Variants in CDK12 observed in about 807,000 individuals in gnomAD.
The protein encoded by CDK12 is cyclin-dependent kinase 12.
Under a neutral mutation model 133.8 loss-of-function variants are expected in CDK12, and 17 were observed. The ratio of observed to expected loss-of-function variants is 0.13; its 90% CI spans 0.09 to 0.19. The LOEUF (loss-of-function observed/expected upper bound fraction) is 0.19, where lower values mean the gene tolerates loss of function less well. CDK12 is among the 10% of genes least tolerant of loss of function. The pLI, the probability that CDK12 is intolerant of heterozygous loss-of-function variation, is 1.00. For synonymous variants in CDK12, 694 were observed against 683.6 expected (o/e 1.02, Z -0.24); for missense variants, 1,508 against 1,818.7 (o/e 0.83, Z 3.11).
intron 2 of CDK12, among the ~76,000 whole-genome samples, chr17:39,476,733 TTTTTTTTG>T (rs2050238847): frequency 7.8e-6 from 1 of 128,674 alleles, no homozygotes; most frequent in African/African-American, 2.9e-5. Context: ...TTTTTTTTTT[TTTTTTTTG>T]AGACAGAGTT....
intron 5 of CDK12, among the ~76,000 whole-genome samples, 191 bp from the exon 6 acceptor site, chr17:39,501,059 G>A (rs2052685597): frequency 6.6e-6 from 1 of 152,064 alleles, no homozygotes; most frequent in African/African-American, 2.4e-5. Context: ...TCAAATATTA[G>A]CTCCGTTGTT....
intron 2 of CDK12, among the ~76,000 whole-genome samples, chr17:39,476,702 C>A (rs548508401): frequency 1.3e-5 from 1 of 75,348 alleles, no homozygotes; most frequent in African/African-American, 4.3e-5. Context: ...CATGAGCCAC[C>A]ATGCCTGCCT....
At chr17:39,523,494 A>T (rs952082983) in intron 11 of CDK12, among the ~76,000 whole-genome samples, 2 of 152,120 alleles carry the variant, frequency 1.3e-5, no homozygotes, top group Admixed American at 6.5e-5. Flanking sequence ...AAGAAAAAAA[A>T]AGTATTTTAT....
Position 39,511,611 on chromosome 17 carries a change from A to G in CDK12, c.2749A>G (p.Ile917Val). Residue 917 changes from isoleucine (I) to valine (V), a missense_variant, in exon 8 of 14, where the codon ATA becomes GTA. Transcript: ENST00000447079. The part of the protein sequence containing the change: ...LLGEERYTPA[I>V]DVWSCGCILG... ...AGGAGAGGAACGTTACACACCAGCC[A>G]TAGATGTTTGGAGCTGTGGGTAAGG... 2 of 1,610,168 alleles carry G rather than the reference A, an allele frequency of 1.2e-6. No homozygotes were observed. Among genetic ancestry groups the G allele is most frequent in the Non-Finnish European group, 8.5e-7 (1 of 1,176,944 alleles).
chr17:39,536,225 C>T (rs1190252876), downstream of CDK12, among the ~76,000 whole-genome samples: 1 of 152,156 alleles, frequency 6.6e-6, no homozygotes, highest in Non-Finnish European at 1.5e-5. Flanking sequence ...ACTCACCATT[C>T]AACTGGAATA....
At chr17:39,538,917 A>G (rs1028904385), downstream of CDK12, among the ~76,000 whole-genome samples, 32 of 151,492 alleles carry the variant, frequency 2.1e-4, no homozygotes, top group African/African-American at 7.5e-4. Context: ...ACATACATAC[A>G]TACATACATA....
Position 39,471,433 on chromosome 17 carries a change from C to T in CDK12, c.1601C>T (p.Ser534Phe), listed in dbSNP as rs2145201159. The change falls in exon 2 of 14, where the codon TCT (serine) becomes TTT (phenylalanine). Residue 534 changes from serine (S) to phenylalanine (F), a missense_variant. Transcript: ENST00000447079. ...CCTCCACCTCTTCCCACAATTGCTT[C>T]TCCCCCACCCCCTCTACCAACTACT... Reference protein sequence around the residue: ...ETPPPLPTIASPPPPLPTTTP... With the variant: ...ETPPPLPTIAFPPPPLPTTTP... The T allele has an allele frequency of 6.2e-7, 1 of 1,613,138 alleles. No individual in the cohort carries two copies. The highest frequency in any genetic ancestry group is 2.2e-5 in the East Asian group (1 of 44,872).
intron 4 of CDK12, among the ~76,000 whole-genome samples, chr17:39,493,830 A>G (rs2051844652): frequency 6.6e-6 from 1 of 151,994 alleles, no homozygotes; most frequent in Non-Finnish European, 1.5e-5. Context: ...CCCCGTTTCT[A>G]CTAAAAATAG....
intron 5 of CDK12, among the ~76,000 whole-genome samples, chr17:39,496,577 G>C (rs1415414546): frequency 1.3e-5 from 2 of 151,956 alleles, no homozygotes; most frequent in African/African-American, 2.4e-5. Context: ...GCTAGCGCCT[G>C]TAATCTTCAG....
At chr17:39,478,700 C>T (rs1212008622) in intron 2 of CDK12, among the ~76,000 whole-genome samples, 2 of 152,000 alleles carry the variant, frequency 1.3e-5, no homozygotes, top group Non-Finnish European at 2.9e-5. Context: ...TAGCATGCAC[C>T]TGTGGTCTGA....
At chr17:39,540,775 C>T (rs375806247) in intron 1 of CDK12, among the ~76,000 whole-genome samples, 3 of 152,038 alleles carry the variant, frequency 2.0e-5, no homozygotes, top group Non-Finnish European at 4.4e-5. Context: ...CTCTTTAGTG[C>T]GGCAGGCGGG....
chr17:39,541,025 G>A (rs2055385984), intron 1 of CDK12, among the ~76,000 whole-genome samples: 2 of 152,170 alleles, frequency 1.3e-5, no homozygotes, highest in East Asian at 1.9e-4. Flanking sequence ...CTGGGATATG[G>A]TGTCGCCTCC....
chr17:39,505,513 G>A (rs1227502728), intron 6 of CDK12, among the ~76,000 whole-genome samples: 1 of 106,640 alleles, frequency 9.4e-6, no homozygotes, highest in Non-Finnish European at 1.7e-5. Flanking sequence ...GACAGAGCGA[G>A]ACTCCGTCTC....
rs2048978231 is a variant in CDK12, at chr17:39,461,795, G to A, written c.-277G>A. ...CGGGCCTGAGGACTGGCTCGGCGGA[G>A]GGAGAAGAGGAAACAGACTTGAGCA... On this transcript the variant is annotated 5_prime_UTR_variant, in exon 1 of 14. Coordinates refer to ENST00000447079, the MANE Select transcript of CDK12 (RefSeq NM_016507.4). 2.1e-6 allele frequency: 1 copy of A among 474,366 alleles called. No individual in the cohort carries two copies. The highest frequency in any genetic ancestry group is 3.8e-6 in the Non-Finnish European group (1 of 262,778). The allele number at this position is 474,366 out of a possible 1,614,324, so 29.4% of individuals were successfully genotyped here. A position where few individuals can be genotyped will look rare whatever the true frequency, so the allele number is the denominator to read the frequency against.
At chr17:39,544,675 G>T (rs1197930552), upstream of CDK12, among the ~76,000 whole-genome samples, 3 of 139,802 alleles carry the variant, frequency 2.1e-5, no homozygotes, top group African/African-American at 7.9e-5. Flanking sequence ...TGTTGCCCAG[G>T]CCGGAGTGCA....
chr17:39,461,989 A>C lies in CDK12; in HGVS notation c.-83A>C, dbSNP rs1597890834. On this transcript the variant is annotated 5_prime_UTR_variant, in exon 1 of 14. Coordinates refer to ENST00000447079, the MANE Select transcript of CDK12 (RefSeq NM_016507.4). ...TCCCGGGGCGCTTTGGTGGGCGTGG[A>C]GTTGGGGTTGGGGGGGTGGGTGGGG... 2 of 897,230 alleles carry C rather than the reference A, an allele frequency of 2.2e-6. No homozygotes were observed. The highest frequency in any genetic ancestry group is 3.8e-5 in the African/African-American group (1 of 26,134). The allele number at this position is 897,230 out of a possible 1,614,324, so 55.6% of individuals were successfully genotyped here. A position where few individuals can be genotyped will look rare whatever the true frequency, so the allele number is the denominator to read the frequency against.
intron 2 of CDK12, among the ~76,000 whole-genome samples, chr17:39,474,487 T>A (rs190870227): frequency 9.3e-4 from 142 of 152,198 alleles, no homozygotes; most frequent in African/African-American, 3.2e-3. Flanking sequence ...CCCGGCTAAT[T>A]TATTTTTTGT....
upstream of CDK12, among the ~76,000 whole-genome samples, chr17:39,548,346 T>C (rs1300606809): frequency 6.6e-6 from 1 of 152,206 alleles, no homozygotes; most frequent in Non-Finnish European, 1.5e-5. Flanking sequence ...AAGCCCCCTC[T>C]TTCCAGGCAC....
chr17:39,476,399 G>T (rs938023826), intron 2 of CDK12, among the ~76,000 whole-genome samples: 1 of 151,264 alleles, frequency 6.6e-6, no homozygotes, highest in Admixed American at 6.6e-5. Context: ...ATGAATCCCC[G>T]TGCCCCAACT....
Sources: gnomAD v4.1 joint callset for allele counts (sites outside exome capture counted in the v4.1 genomes callset) on GRCh38, gnomAD v4.1.1 for gene constraint, MANE v1.5 for transcripts, NCBI Gene and HGNC (gene_info 2026-07-23, HGNC 2026-07-21) for gene names.